Variants in IGF1R observed in about 807,000 individuals in gnomAD.
The protein encoded by IGF1R is insulin-like growth factor 1 receptor.
A neutral mutation model predicts 144.6 loss-of-function variants in IGF1R; 44 were observed. The ratio of observed to expected loss-of-function variants is 0.30; its 90% CI spans 0.24 to 0.39. The LOEUF (loss-of-function observed/expected upper bound fraction) is 0.39. IGF1R is among the 10% of genes least tolerant of loss of function. IGF1R has a pLI of 1.00. For synonymous variants in IGF1R, 795 were observed against 722.8 expected (o/e 1.10, Z -1.60); for missense variants, 1,355 against 1,833.7 (o/e 0.74, Z 4.77).
chr15:98,765,460 C>A (rs115776189), intron 2 of IGF1R, among the ~76,000 whole-genome samples: 2,153 of 151,888 alleles, frequency 0.014, 50 homozygotes, highest in African/African-American at 0.048. Context: ...AGGTGTGAGC[C>A]ACCACACCTG....
At chr15:98,766,134 C>T (rs1000440609) in intron 2 of IGF1R, among the ~76,000 whole-genome samples, 4 of 152,264 alleles carry the variant, frequency 2.6e-5, no homozygotes, top group African/African-American at 9.6e-5. Flanking sequence ...AGTTCAAGGC[C>T]GTCAAGTGTG....
chr15:98,687,813 C>T (rs1310039143), intron 1 of IGF1R, among the ~76,000 whole-genome samples: 1 of 152,222 alleles, frequency 6.6e-6, no homozygotes, highest in African/African-American at 2.4e-5. Flanking sequence ...AGCTGTAGAG[C>T]TCTCTGCCTG....
chr15:98,823,983 T>G (rs927162858), intron 2 of IGF1R, among the ~76,000 whole-genome samples: 1 of 152,226 alleles, frequency 6.6e-6, no homozygotes. Context: ...TTTCTTATAC[T>G]CAGTCATTTG....
intron 2 of IGF1R, among the ~76,000 whole-genome samples, chr15:98,868,374 G>GT (rs992926687): frequency 9.2e-5 from 11 of 119,066 alleles, no homozygotes; most frequent in Non-Finnish European, 1.3e-4. Flanking sequence ...TTTTTTTGGG[G>GT]GGGGGGTCCT....
At chr15:98,750,649 C>A (rs894222085) in intron 2 of IGF1R, among the ~76,000 whole-genome samples, 3 of 152,110 alleles carry the variant, frequency 2.0e-5, no homozygotes, top group East Asian at 1.9e-4. Context: ...CATTGGGAGA[C>A]CCTGTCTCTT....
intron 15 of IGF1R, among the ~76,000 whole-genome samples, chr15:98,933,831 G>GT (rs1011649089): frequency 3.7e-4 from 57 of 152,066 alleles, no homozygotes; most frequent in African/African-American, 1.2e-3. Context: ...GCACCACCGG[G>GT]TCTCTCCCTC....
Position 98,772,863 on chromosome 15 carries a change from C to T in IGF1R, c.640+64756C>T, listed in dbSNP as rs186512360. On this transcript the variant is annotated intron_variant, in intron 2 of 20. Transcript: ENST00000650285. Reference sequence around the variant, plus strand: ...TGTTTGTTATCACAGAATATGTTTGCTTTTGATAGGGGTTGGGTGCTGAAG... The same window carrying T: ...TGTTTGTTATCACAGAATATGTTTGTTTTTGATAGGGGTTGGGTGCTGAAG... Among the ~76,000 whole-genome samples the T allele has an allele frequency of 1.1e-3, 167 of 151,916 alleles. 1 individual carries two copies. Among genetic ancestry groups the T allele is most frequent in the African/African-American group, 3.3e-3 (137 of 41,422 alleles).
chr15:98,802,226 C>T (rs1041203648), intron 2 of IGF1R, among the ~76,000 whole-genome samples: 2 of 152,142 alleles, frequency 1.3e-5, no homozygotes, highest in Admixed American at 6.6e-5. Context: ...TAGCCAGTCT[C>T]GGATCCTGAT....
At chr15:98,832,477 C>T (rs1327093676) in intron 2 of IGF1R, among the ~76,000 whole-genome samples, 5 of 152,202 alleles carry the variant, frequency 3.3e-5, no homozygotes. Flanking sequence ...GTAACCTTCT[C>T]ACGAGTTAGA....
intron 1 of IGF1R, among the ~76,000 whole-genome samples, chr15:98,699,338 C>CT (rs1406636395): frequency 6.6e-6 from 1 of 152,200 alleles, no homozygotes; most frequent in Non-Finnish European, 1.5e-5. Flanking sequence ...CCGAGGGACT[C>CT]TATCTCCTGG....
chr15:98,948,760 C>A, intron 20 of IGF1R, 52 bp downstream of exon 20: 1 of 1,597,734 alleles, frequency 6.3e-7, no homozygotes, highest in Non-Finnish European at 8.6e-7. Context: ...TCTCAAATAC[C>A]TGTTTTCTTG....
At position 98,961,265 on chromosome 15, in the gene IGF1R, A is replaced by G. The variant is rs2017214627; in HGVS notation, c.*3823A>G. 4.3e-6 allele frequency: 1 copy of G among 233,524 alleles called. No individual in the cohort carries two copies. The highest frequency in any genetic ancestry group is 2.2e-5 in the African/African-American group (1 of 45,350). The allele number at this position is 233,524 out of a possible 1,614,324, so 14.5% of individuals were successfully genotyped here. ...TTCCACAACTGGATTTCTACAGATCATTCAGCTGGTTATAAGGGTTTTGTT... is the reference window on the plus strand; with the variant it reads ...TTCCACAACTGGATTTCTACAGATCGTTCAGCTGGTTATAAGGGTTTTGTT... On this transcript the variant is annotated 3_prime_UTR_variant, in exon 21 of 21. Coordinates refer to ENST00000650285, the MANE Select transcript of IGF1R (RefSeq NM_000875.5).
At chr15:98,851,171 C>T (rs1024499284) in intron 2 of IGF1R, among the ~76,000 whole-genome samples, 1 of 152,138 alleles carries the variant, frequency 6.6e-6, no homozygotes, top group Admixed American at 6.5e-5. Flanking sequence ...TGTGGCCCAT[C>T]CAGGGACCTG....
chr15:98,958,966 T>C lies in IGF1R; in HGVS notation c.*1524T>C. 2 of 233,436 alleles carry C rather than the reference T, an allele frequency of 8.6e-6. No individual in the cohort carries two copies. Among genetic ancestry groups the C allele is most frequent in the Non-Finnish European group, 1.7e-5 (2 of 118,058 alleles). 14.5% of individuals were successfully genotyped at this position (233,436 alleles called of 1,614,324 possible). A position where few individuals can be genotyped will look rare whatever the true frequency, so the allele number is the denominator to read the frequency against. On this transcript the variant is annotated 3_prime_UTR_variant, in exon 21 of 21. Coordinates refer to ENST00000650285, the MANE Select transcript of IGF1R (RefSeq NM_000875.5). ...GTTGTTTTCTAACCCGTAGGCTCTC[T>C]GGGCACGAGGCAGAAAGCAGGCCGG...
chr15:98,752,171 A>C (rs181360252), intron 2 of IGF1R, among the ~76,000 whole-genome samples: 1 of 151,942 alleles, frequency 6.6e-6, no homozygotes, highest in Admixed American at 6.5e-5. Flanking sequence ...TCCTGCCTCT[A>C]TATTAGCCAA....
At position 98,960,744 on chromosome 15, in the gene IGF1R, A is replaced by G. The variant is rs1405125639; in HGVS notation, c.*3302A>G. The G allele has an allele frequency of 8.6e-6, 2 of 233,434 alleles. No individual in the cohort carries two copies. The highest frequency in any genetic ancestry group is 8.5e-6 in the Non-Finnish European group (1 of 118,164). 14.5% of individuals were successfully genotyped at this position (233,434 alleles called of 1,614,324 possible). A position where few individuals can be genotyped will look rare whatever the true frequency, so the allele number is the denominator to read the frequency against. On this transcript the variant is annotated 3_prime_UTR_variant, in exon 21 of 21. Transcript: ENST00000650285. ...CCAGAATGCAGAGGCTCCTGACCTC[A>G]CAGCCAGTCCCTGATAGAACACACG... is the stretch of plus-strand genomic sequence containing the variant.
intron 2 of IGF1R, among the ~76,000 whole-genome samples, chr15:98,733,145 A>G (rs78468403): frequency 1.3e-5 from 2 of 152,154 alleles, no homozygotes; most frequent in South Asian, 4.1e-4. Context: ...GAACCACCAC[A>G]GTGATCCGAG....
chr15:98,852,246 G>A (rs1338440023), intron 2 of IGF1R, among the ~76,000 whole-genome samples: 1 of 152,114 alleles, frequency 6.6e-6, no homozygotes, highest in South Asian at 2.1e-4. Context: ...CGGCTGTGGT[G>A]TGCGCCCTTC....
chr15:98,726,001 T>C (rs1049774571), intron 2 of IGF1R, among the ~76,000 whole-genome samples: 2 of 152,156 alleles, frequency 1.3e-5, no homozygotes, highest in African/African-American at 4.8e-5. Flanking sequence ...ACAATTCAAG[T>C]TGAGATTTGG....
Sources: gnomAD v4.1 joint callset for allele counts (sites outside exome capture counted in the v4.1 genomes callset) on GRCh38, gnomAD v4.1.1 for gene constraint, MANE v1.5 for transcripts, NCBI Gene and HGNC (gene_info 2026-07-23, HGNC 2026-07-21) for gene names.